The following FCHSD2 variants were observed in gnomAD, a reference collection of about 807,000 sequenced individuals.
FCHSD2 encodes the protein F-BAR and double SH3 domains protein 2.
In FCHSD2, 38 loss-of-function variants were observed where a neutral mutation model predicts 108.1. The observed-to-expected ratio is 0.35, with a 90% CI of 0.27 to 0.46. FCHSD2 has a LOEUF of 0.46. FCHSD2 is among the 20% of genes least tolerant of loss of function. FCHSD2 has a pLI of 1.00. For missense variants in FCHSD2, 751 were observed against 897.8 expected, an observed-to-expected ratio of 0.84 and a Z score of 2.09; for synonymous variants, 279 against 314.7, an observed-to-expected ratio of 0.89 and a Z score of 1.20.
chr11:72,873,771 T>C (rs1362003520), intron 12 of FCHSD2, among the ~76,000 whole-genome samples: 7 of 152,336 alleles, frequency 4.6e-5, no homozygotes, highest in African/African-American at 1.7e-4. Context: ...GTTGTTAAGA[T>C]AATTAACTGG....
At chr11:73,035,577 C>T (rs1361361003) in intron 3 of FCHSD2, among the ~76,000 whole-genome samples, 1 of 152,014 alleles carries the variant, frequency 6.6e-6, no homozygotes, top group Non-Finnish European at 1.5e-5. Context: ...GCACTTGGCC[C>T]AATGTATGGC....
At chr11:72,977,132 C>A (rs566137681) in intron 8 of FCHSD2, among the ~76,000 whole-genome samples, 2 of 152,176 alleles carry the variant, frequency 1.3e-5, no homozygotes, top group African/African-American at 4.8e-5. Flanking sequence ...ACCATATTGG[C>A]CAGGTGGTCT....
chr11:73,117,998 C>T (rs1275063508), intron 2 of FCHSD2, among the ~76,000 whole-genome samples: 1 of 152,050 alleles, frequency 6.6e-6, no homozygotes, highest in Non-Finnish European at 1.5e-5. Context: ...AATGTACATA[C>T]CTATGAAACC....
intron 2 of FCHSD2, among the ~76,000 whole-genome samples, chr11:73,133,856 T>C (rs1051614521): frequency 6.6e-6 from 1 of 150,894 alleles, no homozygotes; most frequent in African/African-American, 2.4e-5. Flanking sequence ...AAGATTCCAC[T>C]TCTATAGAGA....
chr11:72,889,388 T>C (rs1204526324), intron 11 of FCHSD2, among the ~76,000 whole-genome samples: 1 of 152,188 alleles, frequency 6.6e-6, no homozygotes, highest in Non-Finnish European at 1.5e-5. Flanking sequence ...AACAGGTAAA[T>C]TAATGTATTG....
At chr11:73,112,040 AGT>A (rs1298488969) in intron 2 of FCHSD2, among the ~76,000 whole-genome samples, 1 of 152,160 alleles carries the variant, frequency 6.6e-6, no homozygotes, top group Non-Finnish European at 1.5e-5. Flanking sequence ...TCACAATTAC[AGT>A]GTTATAAAAT....
At chr11:73,086,431 C>G (rs1250915572) in intron 2 of FCHSD2, among the ~76,000 whole-genome samples, 2 of 151,858 alleles carry the variant, frequency 1.3e-5, no homozygotes, top group Non-Finnish European at 2.9e-5. Flanking sequence ...AAACAAAAAA[C>G]AAAAGATCAA....
At chr11:73,098,676 T>C (rs375595227) in intron 2 of FCHSD2, among the ~76,000 whole-genome samples, 30 of 151,538 alleles carry the variant, frequency 2.0e-4, no homozygotes, top group East Asian at 9.7e-4. Context: ...TGAGAAAGAA[T>C]AGTCTCTTCA....
chr11:72,851,333 G>A (rs958588208), intron 13 of FCHSD2, among the ~76,000 whole-genome samples: 2 of 152,088 alleles, frequency 1.3e-5, no homozygotes, highest in Non-Finnish European at 2.9e-5. Flanking sequence ...GATGTTTACT[G>A]CAACACTGCC....
chr11:73,142,044 G>A lies in FCHSD2; in HGVS notation c.-167C>T. ...GGAGCAGGCCAGCGGGCGGCAGGCG[G>A]ACCCCAGCCAGAGAGCGAGTGTGAG... On this transcript the variant is annotated 5_prime_UTR_variant, in exon 1 of 20. Transcript: ENST00000409418. 1 of 617,566 alleles carries A rather than the reference G, an allele frequency of 1.6e-6. No homozygotes were observed. The highest frequency in any genetic ancestry group is 2.8e-6 in the Non-Finnish European group (1 of 363,282). The allele number at this position is 617,566 out of a possible 1,614,324, so 38.3% of individuals were successfully genotyped here.
intron 3 of FCHSD2, among the ~76,000 whole-genome samples, chr11:73,029,370 C>A (rs1482470352): frequency 6.6e-6 from 1 of 152,178 alleles, no homozygotes; most frequent in East Asian, 1.9e-4. Flanking sequence ...TTTTAGAATT[C>A]TAGAAGCCAC....
chr11:73,119,029 C>T (rs1021738715), intron 2 of FCHSD2, among the ~76,000 whole-genome samples: 8 of 151,964 alleles, frequency 5.3e-5, no homozygotes, highest in Non-Finnish European at 8.8e-5. Flanking sequence ...AGGCCAGGCG[C>T]GGTGACTCAC....
chr11:72,969,059 T>C (rs75563167), intron 8 of FCHSD2, among the ~76,000 whole-genome samples: 7,603 of 152,238 alleles, frequency 0.05, 298 homozygotes, highest in Middle Eastern at 0.078. Context: ...TTCTTTGAAA[T>C]CAATTTAAAA....
intron 8 of FCHSD2, among the ~76,000 whole-genome samples, chr11:72,958,327 G>A (rs1381233058): frequency 6.6e-6 from 1 of 152,142 alleles, no homozygotes; most frequent in Non-Finnish European, 1.5e-5. Context: ...AGACCAGCCT[G>A]GCCAATGTGG....
At chr11:72,947,817 A>G (rs1856547100) in intron 8 of FCHSD2, among the ~76,000 whole-genome samples, 1 of 152,244 alleles carries the variant, frequency 6.6e-6, no homozygotes, top group South Asian at 2.1e-4. Context: ...AATCTCACAT[A>G]AATATGGGAA....
chr11:72,916,324 T>TA (rs1372585147), intron 9 of FCHSD2, among the ~76,000 whole-genome samples: 1 of 147,968 alleles, frequency 6.8e-6, no homozygotes, highest in Admixed American at 6.7e-5. Flanking sequence ...TTTTTTTTTT[T>TA]AAAGAGACAG....
chr11:73,001,737 T>C (rs1414961824), intron 4 of FCHSD2, among the ~76,000 whole-genome samples: 2 of 152,234 alleles, frequency 1.3e-5, no homozygotes, highest in African/African-American at 4.8e-5. Context: ...AAGAAATCTA[T>C]AATAGTGTGG....
chr11:73,023,231 A>T (rs1217556298), intron 3 of FCHSD2, among the ~76,000 whole-genome samples: 1 of 152,198 alleles, frequency 6.6e-6, no homozygotes, highest in African/African-American at 2.4e-5. Context: ...TCTGGAAAAG[A>T]CACTACAAAG....
chr11:72,873,786 T>C (rs1854912054), intron 12 of FCHSD2, among the ~76,000 whole-genome samples: 3 of 152,176 alleles, frequency 2.0e-5, no homozygotes, highest in African/African-American at 7.2e-5. Flanking sequence ...AACTGGAAGG[T>C]CATTAAACTG....
Sources: allele counts gnomAD v4.1 joint callset (sites outside exome capture counted in the v4.1 genomes callset), GRCh38; gene constraint gnomAD v4.1.1; transcripts MANE v1.5; gene names NCBI Gene and HGNC (gene_info 2026-07-23, HGNC 2026-07-21).